Variants in GSK3B observed in about 807,000 individuals in gnomAD.
GSK3B encodes glycogen synthase kinase-3 beta.
Under a neutral mutation model 56.4 loss-of-function variants are expected in GSK3B, and 15 were observed. That is an observed-to-expected ratio of 0.27 (90% confidence interval 0.18 to 0.41). The LOEUF (loss-of-function observed/expected upper bound fraction) is 0.41. GSK3B is among the 10% of genes least tolerant of loss of function. The pLI, the probability that GSK3B is intolerant of heterozygous loss-of-function variation, is 1.00. For missense variants in GSK3B, 300 were observed against 513.4 expected, an observed-to-expected ratio of 0.58 and a Z score of 4.02; for synonymous variants, 181 against 188.9, an observed-to-expected ratio of 0.96 and a Z score of 0.34.
At chr3:119,886,819 G>A (rs2056441503) in intron 7 of GSK3B, among the ~76,000 whole-genome samples, 1 of 152,054 alleles carries the variant, frequency 6.6e-6, no homozygotes, top group African/African-American at 2.4e-5. Flanking sequence ...TAAACACTGG[G>A]TAATCATGGA....
rs192634874 is a variant in GSK3B at position 119,939,319 on chromosome 3, G to C, written c.366+7949C>G. On this transcript the variant is annotated intron_variant, in intron 3 of 10. Coordinates refer to ENST00000264235, the MANE Select transcript of GSK3B (RefSeq NM_001146156.2). The stretch of plus-strand genomic sequence containing the variant: ...GGAGAGATGAGTCAAGTAAGGTCAC[G>C]ATATAGATGTTCAAAGACCTTGTAT... Among the ~76,000 whole-genome samples, 7 of 152,198 alleles carry C rather than the reference G, an allele frequency of 4.6e-5. No homozygotes were observed. The East Asian group carries it at 1.4e-3, about 29-fold the overall frequency.
At chr3:120,021,094 A>G (rs1271173319) in intron 1 of GSK3B, among the ~76,000 whole-genome samples, 3 of 152,202 alleles carry the variant, frequency 2.0e-5, no homozygotes, top group Non-Finnish European at 4.4e-5. Flanking sequence ...CCATACCATA[A>G]AAGTACAAGG....
intron 7 of GSK3B, among the ~76,000 whole-genome samples, chr3:119,889,190 A>G (rs1732167): frequency 1 from 152,125 of 152,130 alleles, 76,060 homozygotes; most frequent in Middle Eastern, 1. Context: ...CTGGTTTTGC[A>G]GCTCAGGTGG....
rs1281455933 is a variant in GSK3B at position 120,093,762 on chromosome 3, C to T, written c.-328G>A. ...CTAAAAAAATATGTATCACGTGAAACGGGGGCAAATACTTGATTGAAAATG... is the reference window on the plus strand; with the variant it reads ...CTAAAAAAATATGTATCACGTGAAATGGGGGCAAATACTTGATTGAAAATG... On this transcript the variant is annotated 5_prime_UTR_variant, in exon 1 of 11. Transcript: ENST00000264235. 1 of 284,460 alleles carries T rather than the reference C, an allele frequency of 3.5e-6. No homozygotes were observed. Among genetic ancestry groups the T allele is most frequent in the African/African-American group, 2.1e-5 (1 of 46,814 alleles). 17.6% of individuals were successfully genotyped at this position (284,460 alleles called of 1,614,324 possible). A position where few individuals can be genotyped will look rare whatever the true frequency, so the allele number is the denominator to read the frequency against.
chr3:120,011,807 G>C (rs912380824), intron 1 of GSK3B, among the ~76,000 whole-genome samples: 1 of 152,134 alleles, frequency 6.6e-6, no homozygotes, highest in Non-Finnish European at 1.5e-5. Flanking sequence ...GTATAAAATT[G>C]TACTGTTTAC....
At chr3:120,031,470 G>A (rs1219925843) in intron 1 of GSK3B, among the ~76,000 whole-genome samples, 1 of 152,234 alleles carries the variant, frequency 6.6e-6, no homozygotes, top group East Asian at 1.9e-4. Context: ...AGAAATGAGG[G>A]TAAGAACTCA....
intron 1 of GSK3B, among the ~76,000 whole-genome samples, chr3:120,080,291 C>CA: frequency 6.6e-6 from 1 of 150,388 alleles, no homozygotes; most frequent in East Asian, 2.0e-4. Context: ...ATTCTGTCTC[C>CA]AAAAAAGGTG....
At chr3:119,865,349 C>T (rs1409727024) in intron 8 of GSK3B, among the ~76,000 whole-genome samples, 1 of 145,496 alleles carries the variant, frequency 6.9e-6, no homozygotes, top group East Asian at 2.0e-4. Context: ...TGGCTGGATG[C>T]TGAGTTATTT....
chr3:119,964,106 G>A (rs914013215), intron 2 of GSK3B, among the ~76,000 whole-genome samples: 10 of 152,164 alleles, frequency 6.6e-5, no homozygotes, highest in Non-Finnish European at 1.3e-4. Context: ...CAAACCAAAT[G>A]TCTGACAAGG....
chr3:119,943,814 A>G (rs139393751), intron 3 of GSK3B, among the ~76,000 whole-genome samples: 230 of 152,040 alleles, frequency 1.5e-3, no homozygotes, highest in Middle Eastern at 3.4e-3. Context: ...AGAAAGAAAG[A>G]GACAGAGAAA....
rs2055405534 is a variant in GSK3B at position 119,821,340 on chromosome 3, T to TA, written c.*5447dup. 1 of 152,362 alleles carries TA rather than the reference T, an allele frequency of 6.6e-6. No homozygotes were observed. Among genetic ancestry groups the TA allele is most frequent in the African/African-American group, 2.4e-5 (1 of 41,584 alleles). 9.4% of individuals were successfully genotyped at this position (152,362 alleles called of 1,614,324 possible). On this transcript the variant is annotated 3_prime_UTR_variant, in exon 11 of 11. Transcript: ENST00000264235. Reference sequence around the variant, plus strand: ...ACTTTATCGAATATAAATTTGTTTTTATTGAAGCAGCAGTCACATGACCTT... The same window carrying TA: ...ACTTTATCGAATATAAATTTGTTTTTAATTGAAGCAGCAGTCACATGACCTT...
At chr3:120,026,733 T>G (rs1476049419) in intron 1 of GSK3B, among the ~76,000 whole-genome samples, 1 of 151,646 alleles carries the variant, frequency 6.6e-6, no homozygotes, top group Non-Finnish European at 1.5e-5. Context: ...AATTTTTGTA[T>G]TTTTAGTAGA....
chr3:120,087,333 C>T (rs1356295116), intron 1 of GSK3B, among the ~76,000 whole-genome samples: 1 of 152,120 alleles, frequency 6.6e-6, no homozygotes, highest in African/African-American at 2.4e-5. Flanking sequence ...GATTTTGAGA[C>T]CAGCCTGGCC....
chr3:120,015,937 G>A (rs1576273266), intron 1 of GSK3B, among the ~76,000 whole-genome samples: 1 of 152,152 alleles, frequency 6.6e-6, no homozygotes, highest in East Asian at 1.9e-4. Context: ...AGGGCTTACT[G>A]AAAACATGGT....
At chr3:120,004,919 A>G (rs2057712219) in intron 1 of GSK3B, among the ~76,000 whole-genome samples, 1 of 152,184 alleles carries the variant, frequency 6.6e-6, no homozygotes, top group Non-Finnish European at 1.5e-5. Flanking sequence ...CTGGATGCAG[A>G]ATGAGTTTGA....
intron 1 of GSK3B, among the ~76,000 whole-genome samples, 168 bp from the exon 2 acceptor site, chr3:120,002,407 C>T (rs892447930): frequency 2.1e-4 from 32 of 151,756 alleles, no homozygotes; most frequent in African/African-American, 7.0e-4. Context: ...CACACAATCT[C>T]GGCTCACTGC....
rs182665742 is a variant in GSK3B at position 119,960,939 on chromosome 3, C to T, written c.283-13588G>A. 3.9e-5 allele frequency among the ~76,000 whole-genome samples: 6 copies of T among 152,154 alleles called. No homozygotes were observed. In the East Asian group the frequency reaches 9.7e-4, roughly 25 times the overall value. ...CCATATCAACTCAATAATCTATGGT[C>T]GAACATGTATTTACACTGATGATAT... On this transcript the variant is annotated intron_variant, in intron 2 of 10. Transcript: ENST00000264235.
chr3:119,990,248 TC>T (rs1207158146), intron 2 of GSK3B, among the ~76,000 whole-genome samples: 1 of 150,890 alleles, frequency 6.6e-6, no homozygotes, highest in Non-Finnish European at 1.5e-5. Flanking sequence ...CAAGATAACC[TC>T]CCCTCCTCCC....
In GSK3B at chr3:120,015,292, G is replaced by A. The variant is rs570514060; in HGVS notation, c.89-13053C>T. On this transcript the variant is annotated intron_variant, in intron 1 of 10. Coordinates refer to ENST00000264235, the MANE Select transcript of GSK3B (RefSeq NM_001146156.2). ...TTACCACTCACATGTGCCCTATCAC[G>A]GTACTTATCACAATGCCCTATAATT... Among the ~76,000 whole-genome samples, 116 of 152,204 alleles carry A rather than the reference G, an allele frequency of 7.6e-4. 3 individuals carry two copies. In the South Asian group the frequency reaches 0.023, roughly 30 times the overall value.
Sources: allele counts gnomAD v4.1 joint callset (sites outside exome capture counted in the v4.1 genomes callset), GRCh38; gene constraint gnomAD v4.1.1; transcripts MANE v1.5; gene names NCBI Gene and HGNC (gene_info 2026-07-23, HGNC 2026-07-21).